SOCS5: variants seen among roughly 807,000 people sequenced by gnomAD.
SOCS5 encodes the protein suppressor of cytokine signaling 5.
In SOCS5, 32 loss-of-function variants were observed where a neutral mutation model predicts 42.8. The observed-to-expected ratio is 0.75, with a 90% CI of 0.56 to 1.01. The LOEUF is 1.01. Ranked by LOEUF, SOCS5 falls within the 50% of genes least tolerant of loss-of-function variation. The pLI is 0.00. For missense variants in SOCS5, 627 were observed against 653.0 expected, an observed-to-expected ratio of 0.96 and a Z score of 0.43; for synonymous variants, 283 against 229.6, an observed-to-expected ratio of 1.23 and a Z score of -2.10.
At position 46,699,544 on chromosome 2, in the gene SOCS5, C is replaced by A; in HGVS notation, c.-13+95C>A. On this transcript the variant is annotated intron_variant, in intron 1 of 1. Transcript: ENST00000394861. This position sits in a 1 kb window ranked among gnomAD's most constrained non-coding sequence, Gnocchi z 4.8. ...CCTCTCGGTGCCCCAGTGCCCGCGC[C>A]CGGCGCATTCCGCCCCCGGCTGTCG... 6.6e-6 allele frequency: 1 copy of A among 151,832 alleles called. No individual in the cohort carries two copies. The highest frequency in any genetic ancestry group is 1.9e-4 in the South Asian group (1 of 5,238). The allele number at this position is 151,832 out of a possible 1,614,324, so 9.4% of individuals were successfully genotyped here. A position where few individuals can be genotyped will look rare whatever the true frequency, so the allele number is the denominator to read the frequency against.
chr2:46,716,367 A>ATTTTTTTTT (rs35187667), intron 1 of SOCS5, among the ~76,000 whole-genome samples: 23 of 17,050 alleles, frequency 1.3e-3, no homozygotes, highest in East Asian at 2.6e-3. Flanking sequence ...GAGTGTCTTC[A>ATTTTTTTTT]TTTTTTTTTT....
chr2:46,704,354 T>C (rs887219593), intron 1 of SOCS5, among the ~76,000 whole-genome samples: 5 of 152,056 alleles, frequency 3.3e-5, no homozygotes, highest in Admixed American at 6.5e-5. Flanking sequence ...ATTTAAATAA[T>C]AGATATAGGG....
At chr2:46,735,645 A>C (rs1673226621) in intron 1 of SOCS5, among the ~76,000 whole-genome samples, 1 of 151,946 alleles carries the variant, frequency 6.6e-6, no homozygotes, top group South Asian at 2.1e-4. Flanking sequence ...ACTTTACATA[A>C]AGCTTAGCAC....
chr2:46,740,387 C>G (rs1673343792), intron 1 of SOCS5, among the ~76,000 whole-genome samples: 1 of 152,190 alleles, frequency 6.6e-6, no homozygotes, highest in Admixed American at 6.5e-5. Context: ...ACAGCTTTTG[C>G]TTTTAATTTT....
At chr2:46,725,500 A>G (rs917349523) in intron 1 of SOCS5, among the ~76,000 whole-genome samples, 5 of 152,062 alleles carry the variant, frequency 3.3e-5, no homozygotes, top group African/African-American at 9.7e-5. Context: ...CTATTTTAAC[A>G]TAAGTATTTT....
intron 1 of SOCS5, among the ~76,000 whole-genome samples, chr2:46,724,792 C>T (rs1177312629): frequency 6.6e-6 from 1 of 151,780 alleles, no homozygotes; most frequent in Non-Finnish European, 1.5e-5. Flanking sequence ...TGTGATCTGT[C>T]TTGGTGAACA....
At chr2:46,715,065 T>C (rs989981892) in intron 1 of SOCS5, among the ~76,000 whole-genome samples, 3 of 152,206 alleles carry the variant, frequency 2.0e-5, no homozygotes, top group African/African-American at 7.2e-5. Flanking sequence ...CTTTCTGCTT[T>C]GTCAGGCAGT....
intron 1 of SOCS5, among the ~76,000 whole-genome samples, chr2:46,716,848 C>T (rs1003583246): frequency 2.0e-5 from 3 of 152,110 alleles, no homozygotes; most frequent in Non-Finnish European, 4.4e-5. Flanking sequence ...TTGTTTGTTT[C>T]CAGACAGATA....
chr2:46,725,184 G>A (rs1398832741), intron 1 of SOCS5, among the ~76,000 whole-genome samples: 4 of 151,640 alleles, frequency 2.6e-5, no homozygotes, highest in Non-Finnish European at 5.9e-5. Flanking sequence ...GCCAGTTCAG[G>A]TTTCTTCTTA....
chr2:46,734,570 T>C (rs1673201505), intron 1 of SOCS5, among the ~76,000 whole-genome samples: 1 of 152,178 alleles, frequency 6.6e-6, no homozygotes, highest in South Asian at 2.1e-4. Flanking sequence ...TCCATATTCT[T>C]CTCCCTTAAC....
chr2:46,714,549 G>C (rs1376335122), intron 1 of SOCS5, among the ~76,000 whole-genome samples: 2 of 152,140 alleles, frequency 1.3e-5, no homozygotes, highest in Non-Finnish European at 2.9e-5. Context: ...TAGAGAATGT[G>C]TAGTTGGGTC....
At chr2:46,718,238 A>G (rs1435823564) in intron 1 of SOCS5, among the ~76,000 whole-genome samples, 2 of 152,168 alleles carry the variant, frequency 1.3e-5, no homozygotes, top group African/African-American at 4.8e-5. Context: ...TATTTCATGT[A>G]TATTGCCGAG....
chr2:46,700,413 T>A (rs537231289), intron 1 of SOCS5, among the ~76,000 whole-genome samples: 1 of 152,232 alleles, frequency 6.6e-6, no homozygotes, highest in Admixed American at 6.5e-5. Context: ...CTATCCATAG[T>A]GGTGGCTTAC....
chr2:46,747,368 A>G (rs1411538794), intron 1 of SOCS5, among the ~76,000 whole-genome samples: 1 of 151,858 alleles, frequency 6.6e-6, no homozygotes, highest in Admixed American at 6.6e-5. Flanking sequence ...CCACAGGCGC[A>G]CACCACCATA....
rs759679155 is a variant in SOCS5 at position 46,759,994 on chromosome 2, T to C, written c.1464T>C (p.Cys488=). 9 of 1,614,140 alleles carry C rather than the reference T, an allele frequency of 5.6e-6. No homozygotes were observed. In the East Asian group the frequency reaches 2.0e-4, roughly 36 times the overall value. ...TCCCTTTTAGCCTGCAGTATATCTG[T>C]CGCGCGGTAATCTGCAGGTGCACTA... ...RTFPFSLQYI[C]RAVICRCTTY... is the part of the protein sequence containing the mutation. The change falls in exon 2 of 2, where the codon TGT becomes TGC. Residue 488 remains cysteine, a synonymous_variant. Transcript: ENST00000394861.
intron 1 of SOCS5, among the ~76,000 whole-genome samples, chr2:46,711,157 G>A (rs1396651208): frequency 2.0e-5 from 3 of 152,056 alleles, no homozygotes; most frequent in African/African-American, 7.2e-5. Context: ...CTTTTCTCTT[G>A]GGTCAATACA....
At chr2:46,707,167 T>C (rs1252347406) in intron 1 of SOCS5, among the ~76,000 whole-genome samples, 1 of 152,070 alleles carries the variant, frequency 6.6e-6, no homozygotes, top group Non-Finnish European at 1.5e-5. Context: ...GTGGAGAAAG[T>C]TGAATTATGG....
intron 1 of SOCS5, among the ~76,000 whole-genome samples, chr2:46,751,542 A>T (rs1262178667): frequency 1.3e-5 from 2 of 152,146 alleles, no homozygotes; most frequent in East Asian, 3.8e-4. Flanking sequence ...ATTAACAGTG[A>T]TTATCTCTAG....
intron 1 of SOCS5, among the ~76,000 whole-genome samples, chr2:46,702,353 C>T (rs1395536091): frequency 6.6e-6 from 1 of 152,176 alleles, no homozygotes; most frequent in African/African-American, 2.4e-5. Context: ...TGGTATTGCT[C>T]TCCTTCCTCT....
Sources: allele counts gnomAD v4.1 joint callset (sites outside exome capture counted in the v4.1 genomes callset), GRCh38; gene constraint gnomAD v4.1.1; non-coding constraint Gnocchi (gnomAD v3.1); transcripts MANE v1.5; gene names NCBI Gene and HGNC (gene_info 2026-07-23, HGNC 2026-07-21).